Variants in BCOR observed in about 807,000 individuals in gnomAD.
BCOR encodes BCL-6 corepressor.
Under a neutral mutation model 86.7 loss-of-function variants are expected in BCOR, and 10 were observed. The ratio of observed to expected loss-of-function variants is 0.12; its 90% CI spans 0.07 to 0.20. The LOEUF (loss-of-function observed/expected upper bound fraction) is 0.20, where lower values mean the gene tolerates loss of function less well. Ranked by LOEUF, BCOR falls within the 10% of genes least tolerant of loss-of-function variation. BCOR has a pLI of 1.00. For synonymous variants in BCOR, 611 were observed against 609.0 expected, an observed-to-expected ratio of 1.00 and a Z score of -0.05; for missense variants, 1,259 against 1,452.1, an observed-to-expected ratio of 0.87 and a Z score of 2.16.
chrX:40,121,751 T>C (rs745940058), intron 1 of BCOR, among the ~76,000 whole-genome samples: 4 of 112,466 alleles, frequency 3.6e-5, no homozygotes, highest in Non-Finnish European at 5.6e-5. Flanking sequence ...AGGAACCAGC[T>C]GCATGAGTAT....
chrX:40,088,724 C>A (rs780663659), intron 1 of BCOR, among the ~76,000 whole-genome samples: 1 of 111,891 alleles, frequency 8.9e-6, no homozygotes, highest in Non-Finnish European at 1.9e-5. Flanking sequence ...TATTGAAAAC[C>A]ACATTGAGCC....
intron 10 of BCOR, among the ~76,000 whole-genome samples, chrX:40,059,876 G>A (rs879231444): frequency 8.9e-6 from 1 of 112,486 alleles, no homozygotes; most frequent in East Asian, 2.8e-4. Flanking sequence ...ACACACATGC[G>A]GTTCCACATT....
chrX:40,052,138 T>TGG lies in BCOR; in HGVS notation c.5237_5238dup (p.Ser1747ProfsTer22). The stretch of plus-strand genomic sequence containing the variant: ...CAGTAGTTGTCTGAGGCCAGATCAC[T>TGG]GGGGTGGAGCCACTCTACAGAGGAG... On this transcript the variant is annotated frameshift_variant, in exon 15 of 15. Coordinates refer to ENST00000378444, the MANE Select transcript of BCOR (RefSeq NM_001123385.2). LOFTEE classifies it high-confidence loss of function. The TGG allele has an allele frequency of 1.7e-6, 2 of 1,201,576 alleles. No individual in the cohort carries two copies. Among genetic ancestry groups the TGG allele is most frequent in the Non-Finnish European group, 2.2e-6 (2 of 889,882 alleles).
chrX:40,175,712 G>A (rs1315460278), intron 1 of BCOR, among the ~76,000 whole-genome samples: 1 of 112,844 alleles, frequency 8.9e-6, no homozygotes, highest in Non-Finnish European at 1.9e-5. Context: ...GCAGCGTCTG[G>A]GGACGCGAAC....
chrX:40,053,743 ATATC>A, intron 14 of BCOR, 139 bp downstream of exon 14: 1 of 682,300 alleles, frequency 1.5e-6, no homozygotes, highest in East Asian at 3.5e-5. Context: ...TTTCTGGAAA[ATATC>A]TACTGCATTG....
At chrX:40,126,119 G>A (rs758893456) in intron 1 of BCOR, among the ~76,000 whole-genome samples, 39 of 110,191 alleles carry the variant, frequency 3.5e-4, no homozygotes, top group African/African-American at 1.1e-3. Context: ...GGGAGGCTGA[G>A]GCAGGAGAAT....
rs1369996967 is a variant in BCOR, at chrX:40,075,164, G to A, written c.182C>T (p.Ala61Val). The A allele has an allele frequency of 5.8e-6, 7 of 1,205,780 alleles. No homozygotes were observed. The highest frequency in any genetic ancestry group is 7.8e-6 in the Non-Finnish European group (7 of 893,652). ...TGCTGCCAGGCCATCGATCCTATGG[G>A]CCGTGCTCGCATCCACCTTTGCAGA... is the stretch of plus-strand genomic sequence containing the variant. Reference protein sequence around the residue: ...LNHNVVDASTAHRIDGLAALS... With the variant: ...LNHNVVDASTVHRIDGLAALS... Residue 61 changes from alanine to valine, a missense_variant, in exon 4 of 15, where the codon GCC (alanine) becomes GTC (valine). Physicochemically the swap from Ala to Val is moderately conservative, Grantham distance 64. Around this residue, in one of 7 missense-constraint regions of BCOR, gnomAD observed 174 missense variants for 189.3 expected, o/e 0.92. Coordinates refer to ENST00000378444, the MANE Select transcript of BCOR (RefSeq NM_001123385.2).
At chrX:40,129,638 G>A (rs972079498) in intron 1 of BCOR, among the ~76,000 whole-genome samples, 5 of 110,741 alleles carry the variant, frequency 4.5e-5, no homozygotes, top group Admixed American at 2.9e-4. Context: ...CAGTCCAGAC[G>A]GAGGGAGGGA....
At chrX:40,052,910 T>C (rs1417747400) in intron 14 of BCOR, among the ~76,000 whole-genome samples, 2 of 111,625 alleles carry the variant, frequency 1.8e-5, no homozygotes, top group East Asian at 2.8e-4. Flanking sequence ...CTTCTAGCAG[T>C]AGGAACTCTG....
Position 40,176,026 on chromosome X carries a change from G to A in BCOR, c.-41+981C>T, listed in dbSNP as rs57486696. ...GGGGGGCGGAGGGACACCAAAGACA[G>A]GCGTCTTCAAGGGTTCTGGCAGATG... On this transcript the variant is annotated intron_variant, in intron 1 of 14. Transcript: ENST00000342274. Among the ~76,000 whole-genome samples the A allele has an allele frequency of 4.9e-3, 557 of 112,717 alleles. 23 individuals carry two copies. In the East Asian group the frequency reaches 0.11, roughly 22 times the overall value.
intron 1 of BCOR, among the ~76,000 whole-genome samples, chrX:40,080,747 C>G (rs4076107): frequency 9.2e-6 from 1 of 108,308 alleles, no homozygotes; most frequent in Non-Finnish European, 1.9e-5. Context: ...ATACCAGCCA[C>G]CAGAACAAAG....
At chrX:40,057,542 G>A (rs1934660740) in intron 10 of BCOR, among the ~76,000 whole-genome samples, 1 of 111,697 alleles carries the variant, frequency 9.0e-6, no homozygotes, top group African/African-American at 3.3e-5. Flanking sequence ...CCTGGCCCTG[G>A]GCGAGTTATG....
chrX:40,163,451 C>G (rs1938457268), intron 1 of BCOR, among the ~76,000 whole-genome samples: 1 of 110,940 alleles, frequency 9.0e-6, no homozygotes, highest in Admixed American at 9.6e-5. Flanking sequence ...AGTCCCCCTG[C>G]CCCCATATAA....
chrX:40,166,492 T>A (rs758987052), intron 1 of BCOR, among the ~76,000 whole-genome samples: 10 of 111,594 alleles, frequency 9.0e-5, no homozygotes, highest in South Asian at 7.5e-4. Flanking sequence ...GTTAATGAGG[T>A]CTGAACCCAC....
At chrX:40,100,699 C>CA (rs1223252222), upstream of BCOR, among the ~76,000 whole-genome samples, 373 of 35,917 alleles carry the variant, frequency 0.01, no homozygotes, top group African/African-American at 0.022. Context: ...AACTCCGTCT[C>CA]AAAAAAAAAA....
intron 1 of BCOR, among the ~76,000 whole-genome samples, chrX:40,078,718 T>G (rs1180238600): frequency 8.9e-6 from 1 of 112,026 alleles, no homozygotes; most frequent in African/African-American, 3.2e-5. Context: ...CAGCCCTGGC[T>G]GATGGGCTCC....
At chrX:40,099,050 A>G (rs1472231877), upstream of BCOR, among the ~76,000 whole-genome samples, 1 of 113,194 alleles carries the variant, frequency 8.8e-6, no homozygotes, top group African/African-American at 3.2e-5. Flanking sequence ...TTTCCTTGAC[A>G]GGGAGCAACT....
rs1345043149 is a variant in BCOR, at chrX:40,139,445, T to TAA, written c.-41+37560_-41+37561dup. 4.5e-3 allele frequency among the ~76,000 whole-genome samples: 35 copies of TAA among 7,847 alleles called. 10 individuals carry two copies. In the African/African-American group the frequency reaches 0.072, roughly 16 times the overall value. 6.8% of individuals were successfully genotyped at this position (7,847 alleles called of 115,157 possible). A position where few individuals can be genotyped will look rare whatever the true frequency, so the allele number is the denominator to read the frequency against. On this transcript the variant is annotated intron_variant, in intron 1 of 14. Transcript: ENST00000342274. ...ATATACATATATATATATATATATA[T>TAA]AATATATATACATATATATATATAT...
intron 1 of BCOR, among the ~76,000 whole-genome samples, chrX:40,155,024 C>T (rs1250835239): frequency 9.0e-6 from 1 of 110,826 alleles, no homozygotes; most frequent in East Asian, 2.9e-4. Flanking sequence ...CCCGCCGCGG[C>T]CCGCAGTGCG....
Sources: allele counts gnomAD v4.1 joint callset (sites outside exome capture counted in the v4.1 genomes callset), GRCh38; gene constraint gnomAD v4.1.1; regional missense constraint gnomAD v4.1.1; transcripts MANE v1.5; gene names NCBI Gene and HGNC (gene_info 2026-07-23, HGNC 2026-07-21).